The following DLG1 variants were observed in gnomAD, a reference collection of about 807,000 sequenced individuals.
DLG1 encodes discs large MAGUK scaffold protein 1, also known as disks large homolog 1.
A neutral mutation model predicts 123.4 loss-of-function variants in DLG1; 42 were observed. The observed-to-expected ratio is 0.34, with a 90% CI of 0.27 to 0.44. The LOEUF (loss-of-function observed/expected upper bound fraction) is 0.44, where lower values mean the gene tolerates loss of function less well. Among genes scored for constraint, DLG1 ranks in the 20% least tolerant of loss-of-function variants. The probability of loss-of-function intolerance (pLI) is 1.00; values close to 1 mark genes in which losing one functional copy is unlikely to be tolerated. For synonymous variants in DLG1, 317 were observed against 356.2 expected, an observed-to-expected ratio of 0.89 and a Z score of 1.24; for missense variants, 942 against 1,082.6, an observed-to-expected ratio of 0.87 and a Z score of 1.82.
At chr3:197,205,857 A>C (rs945413928) in intron 4 of DLG1, among the ~76,000 whole-genome samples, 23 of 152,182 alleles carry the variant, frequency 1.5e-4, no homozygotes, top group Non-Finnish European at 3.4e-4. Flanking sequence ...GACTGTCTAT[A>C]TACATTGCTT....
At chr3:197,117,603 T>C (rs1275557383) in intron 12 of DLG1, among the ~76,000 whole-genome samples, 1 of 152,200 alleles carries the variant, frequency 6.6e-6, no homozygotes, top group African/African-American at 2.4e-5. Flanking sequence ...GTTCCACTTT[T>C]ATAAACTATC....
At chr3:197,190,076 C>G (rs894622513) in intron 5 of DLG1, among the ~76,000 whole-genome samples, 3 of 151,968 alleles carry the variant, frequency 2.0e-5, no homozygotes, top group Non-Finnish European at 2.9e-5. Flanking sequence ...AAAGCAGATA[C>G]CAAAAAACTG....
intron 4 of DLG1, among the ~76,000 whole-genome samples, chr3:197,228,357 C>G (rs1741052031): frequency 6.6e-6 from 1 of 152,180 alleles, no homozygotes; most frequent in African/African-American, 2.4e-5. Flanking sequence ...TCTAATAGAA[C>G]AAAATGTCAG....
intron 11 of DLG1, among the ~76,000 whole-genome samples, chr3:197,130,061 T>G (rs1372426953): frequency 6.6e-6 from 1 of 152,110 alleles, no homozygotes; most frequent in Non-Finnish European, 1.5e-5. Flanking sequence ...GCTGATAAAT[T>G]TGCTCAATTC....
intron 4 of DLG1, among the ~76,000 whole-genome samples, chr3:197,231,545 A>G (rs928995871): frequency 1.2e-4 from 18 of 152,102 alleles, no homozygotes; most frequent in African/African-American, 4.3e-4. Flanking sequence ...TACAAAAAAT[A>G]CAAAAATTAG....
upstream of DLG1, chr3:197,298,906 T>C (rs1346188739): frequency 1.2e-5 from 3 of 254,920 alleles, no homozygotes; most frequent in Non-Finnish European, 2.2e-5. Context: ...CCGAGTATGG[T>C]ATACTTAAGG....
At chr3:197,101,531 G>A (rs931700285) in intron 14 of DLG1, among the ~76,000 whole-genome samples, 2 of 152,004 alleles carry the variant, frequency 1.3e-5, no homozygotes, top group African/African-American at 2.4e-5. Flanking sequence ...GACTACAGGT[G>A]CCCGCCACCA....
In DLG1 at chr3:197,069,201, G is replaced by A. The variant is rs1366770310; in HGVS notation, c.2047+18C>T. 3 of 1,557,644 alleles carry A rather than the reference G, an allele frequency of 1.9e-6. No homozygotes were observed. Among genetic ancestry groups the A allele is most frequent in the Non-Finnish European group, 2.6e-6 (3 of 1,147,912 alleles). On this transcript the variant is annotated intron_variant, in intron 19 of 24. Transcript: ENST00000667157. ...ATTACTCGAGATTACAAAAGAACAA[G>A]TAACTTAAAACACTTACGGTAACTA...
intron 13 of DLG1, 130 bp downstream of exon 13, chr3:197,115,797 A>T: frequency 1.2e-6 from 1 of 856,414 alleles, no homozygotes; most frequent in Non-Finnish European, 1.8e-6. Flanking sequence ...TTCTACAATT[A>T]AGCTGTAAAA....
intron 4 of DLG1, among the ~76,000 whole-genome samples, chr3:197,250,930 C>T (rs1001452999): frequency 6.8e-6 from 1 of 147,610 alleles, no homozygotes; most frequent in African/African-American, 2.5e-5. Context: ...TTGCAGTGAG[C>T]CAAGATCATG....
chr3:197,169,544 G>C (rs1803069597), intron 5 of DLG1, among the ~76,000 whole-genome samples: 1 of 152,036 alleles, frequency 6.6e-6, no homozygotes, highest in South Asian at 2.1e-4. Flanking sequence ...GTTCGACTCA[G>C]GTATAAAAGA....
chr3:197,139,113 T>G (rs1176543443), intron 8 of DLG1, among the ~76,000 whole-genome samples: 1 of 152,214 alleles, frequency 6.6e-6, no homozygotes, highest in Admixed American at 6.5e-5. Flanking sequence ...GGTGTTATGT[T>G]TTTTAAAAGT....
intron 1 of DLG1, 98 bp from the exon 2 acceptor site, chr3:197,297,333 C>T (rs1227716226): frequency 1.3e-6 from 2 of 1,518,250 alleles, no homozygotes; most frequent in Admixed American, 4.4e-5. Context: ...ATTTGAAAAC[C>T]CCACGTTCCA....
At chr3:197,223,000 G>A (rs1284001531) in intron 4 of DLG1, among the ~76,000 whole-genome samples, 2 of 152,038 alleles carry the variant, frequency 1.3e-5, no homozygotes. Flanking sequence ...CTTAGGCTCC[G>A]GCCTCACTGT....
chr3:197,253,207 G>C (rs1352761948), intron 4 of DLG1, among the ~76,000 whole-genome samples: 1 of 152,070 alleles, frequency 6.6e-6, no homozygotes, highest in Non-Finnish European at 1.5e-5. Flanking sequence ...ATTACATAAA[G>C]AATTCTCAAA....
At chr3:197,146,433 T>A (rs372139233) in intron 6 of DLG1, among the ~76,000 whole-genome samples, 1 of 152,128 alleles carries the variant, frequency 6.6e-6, no homozygotes, top group Non-Finnish European at 1.5e-5. Flanking sequence ...CAAAACAGCA[T>A]GGTACTGGTA....
At chr3:197,153,638 A>G (rs1013775012) in intron 5 of DLG1, among the ~76,000 whole-genome samples, 2 of 152,212 alleles carry the variant, frequency 1.3e-5, no homozygotes, top group South Asian at 4.1e-4. Flanking sequence ...CAGGAGATTG[A>G]AAGAGCTGGA....
chr3:197,058,970 G>A (rs889967646), intron 23 of DLG1, among the ~76,000 whole-genome samples: 2 of 152,284 alleles, frequency 1.3e-5, no homozygotes, highest in South Asian at 2.1e-4. Flanking sequence ...CTGCCGCCCA[G>A]GCTGGAGTGC....
At chr3:197,140,540 G>A (rs181319308) in intron 7 of DLG1, among the ~76,000 whole-genome samples, 2 of 152,260 alleles carry the variant, frequency 1.3e-5, no homozygotes, top group Non-Finnish European at 1.5e-5. Flanking sequence ...GCAACTTGTC[G>A]TTGGATTAGT....
Sources: gnomAD v4.1 joint callset for allele counts (sites outside exome capture counted in the v4.1 genomes callset) on GRCh38, gnomAD v4.1.1 for gene constraint, MANE v1.5 for transcripts, NCBI Gene and HGNC (gene_info 2026-07-23, HGNC 2026-07-21) for gene names.